Variants in CD99 observed in about 807,000 individuals in gnomAD.
CD99 encodes the protein CD99 antigen.
In CD99, 19 loss-of-function variants were observed where a neutral mutation model predicts 28.4. The observed-to-expected ratio is 0.67, with a 90% CI of 0.47 to 0.98. CD99 has a LOEUF of 0.98. Among genes scored for constraint, CD99 ranks in the 50% least tolerant of loss-of-function variants. CD99 has a pLI of 0.00. For synonymous variants in CD99, 103 were observed against 92.1 expected, an observed-to-expected ratio of 1.12 and a Z score of -0.67; for missense variants, 283 against 248.8, an observed-to-expected ratio of 1.14 and a Z score of -0.92.
intron 8 of CD99, among the ~76,000 whole-genome samples, chrX:2,735,494 CTT>C (rs899934233): frequency 2.0e-5 from 3 of 152,138 alleles, no homozygotes; most frequent in African/African-American, 7.2e-5. Context: ...CCTTGTGAGA[CTT>C]TATACTTTTC....
At chrX:2,712,280 T>G (rs1426768542) in intron 1 of CD99, among the ~76,000 whole-genome samples, 1 of 151,908 alleles carries the variant, frequency 6.6e-6, no homozygotes, top group African/African-American at 2.4e-5. Flanking sequence ...TTCCATCAGA[T>G]AGGAAGGGAT....
intron 8 of CD99, among the ~76,000 whole-genome samples, chrX:2,726,947 G>C (rs903872783): frequency 4.6e-5 from 7 of 152,050 alleles, no homozygotes; most frequent in Non-Finnish European, 7.4e-5. Flanking sequence ...ACCATCCTGG[G>C]TAACATGGTG....
intron 1 of CD99, among the ~76,000 whole-genome samples, chrX:2,697,686 A>G (rs2047640931): frequency 6.6e-6 from 1 of 152,116 alleles, no homozygotes; most frequent in Admixed American, 6.5e-5. Context: ...ACTTGGAGGC[A>G]TAGAGATTTT....
chrX:2,733,922 A>G (rs759538715), intron 8 of CD99, among the ~76,000 whole-genome samples: 37 of 152,372 alleles, frequency 2.4e-4, no homozygotes, highest in African/African-American at 7.0e-4. Context: ...TGTTCCAAAC[A>G]GGTACACACC....
chrX:2,719,544 A>G, intron 3 of CD99, 117 bp from the exon 4 acceptor site: 1 of 820,094 alleles, frequency 1.2e-6, no homozygotes, highest in Non-Finnish European at 2.1e-6. Flanking sequence ...TCAAGCTGAT[A>G]TTCAGAAAAG....
At chrX:2,691,481 TG>T (rs2047286610) in intron 1 of CD99, 54 bp downstream of exon 1, 1 of 1,534,412 alleles carries the variant, frequency 6.5e-7, no homozygotes. Context: ...GGGCCGGGAC[TG>T]GGGATCCGCT....
At chrX:2,699,875 G>A (rs749698262) in intron 1 of CD99, among the ~76,000 whole-genome samples, 2 of 152,282 alleles carry the variant, frequency 1.3e-5, no homozygotes, top group African/African-American at 2.4e-5. Flanking sequence ...TCCCATGACC[G>A]CCTCTCGGAT....
In CD99 at chrX:2,704,055, G is replaced by T. The variant is rs1603265012; in HGVS notation, c.68-10367G>T. 3.9e-5 allele frequency among the ~76,000 whole-genome samples: 6 copies of T among 152,250 alleles called. 1 individual carries two copies. In the South Asian group the frequency reaches 1.2e-3, roughly 32 times the overall value. ...ATGCAGGCTCATGAGCCTCACCCCA[G>T]ACCACAGAACGAAAATGTCTGGGGG... On this transcript the variant is annotated intron_variant, in intron 1 of 9. Coordinates refer to ENST00000381192, the MANE Select transcript of CD99 (RefSeq NM_002414.5).
chrX:2,717,347 C>CAAA (rs111805240), intron 2 of CD99: 11,354 of 344,370 alleles, frequency 0.033, 184 homozygotes, highest in East Asian at 0.1. Context: ...GACTTGGTCT[C>CAAA]AAAAAAAAAA....
chrX:2,691,384 G>A lies in CD99; in HGVS notation c.24G>A (p.Ala8=). 1.9e-6 allele frequency: 3 copies of A among 1,580,084 alleles called. No homozygotes were observed. Among genetic ancestry groups the A allele is most frequent in the South Asian group, 2.3e-5 (2 of 88,414 alleles). MARGAAL[A]LLLFGLLGVL... ...CCATGGCCCGCGGGGCTGCGCTGGC[G>A]CTGCTGCTCTTCGGCCTGCTGGGTG... The change falls in exon 1 of 10, where the codon GCG becomes GCA. Residue 8 remains alanine (A), a synonymous_variant. Transcript: ENST00000381192.
At chrX:2,723,464 C>A in intron 7 of CD99, 100 bp downstream of exon 7, 3 of 1,359,124 alleles carry the variant, frequency 2.2e-6, no homozygotes, top group Non-Finnish European at 2.1e-6. Flanking sequence ...GCATTGGCCT[C>A]CTAAAGCTAC....
At chrX:2,713,881 T>C (rs2048562738) in intron 1 of CD99, among the ~76,000 whole-genome samples, 1 of 152,218 alleles carries the variant, frequency 6.6e-6, no homozygotes, top group Non-Finnish European at 1.5e-5. Flanking sequence ...GAAGTAGCAT[T>C]GAAATTGTTG....
At chrX:2,726,439 A>G (rs779526236) in intron 8 of CD99, 66 bp downstream of exon 8, 2 of 1,075,138 alleles carry the variant, frequency 1.9e-6, no homozygotes, top group Admixed American at 1.7e-5. Context: ...GCTTTCTTTA[A>G]AAGGCAGAAA....
At chrX:2,707,931 G>T (rs1317799611) in intron 1 of CD99, among the ~76,000 whole-genome samples, 3 of 152,180 alleles carry the variant, frequency 2.0e-5, no homozygotes, top group Non-Finnish European at 4.4e-5. Context: ...GAAAGCTCAG[G>T]GAATGTGATG....
At chrX:2,729,948 T>C (rs1418122954) in intron 8 of CD99, among the ~76,000 whole-genome samples, 1 of 151,348 alleles carries the variant, frequency 6.6e-6, no homozygotes, top group Non-Finnish European at 1.5e-5. Context: ...AGCCCAGGAG[T>C]TCAAGATCAG....
intron 8 of CD99, among the ~76,000 whole-genome samples, chrX:2,728,138 C>G (rs1050019196): frequency 6.7e-6 from 1 of 150,172 alleles, no homozygotes; most frequent in South Asian, 2.1e-4. Flanking sequence ...TTGGGCAGTG[C>G]GTGGAAGACA....
chrX:2,692,996 G>A (rs2047402263), intron 1 of CD99, among the ~76,000 whole-genome samples: 1 of 152,206 alleles, frequency 6.6e-6, no homozygotes. Context: ...GTAAATCTTG[G>A]TGAGGGGCTT....
At chrX:2,710,017 T>A (rs1175009055) in intron 1 of CD99, among the ~76,000 whole-genome samples, 2 of 152,126 alleles carry the variant, frequency 1.3e-5, no homozygotes, top group African/African-American at 4.8e-5. Flanking sequence ...GAGGGAAGCA[T>A]CGAGATCATA....
intron 1 of CD99, among the ~76,000 whole-genome samples, chrX:2,706,203 C>CA (rs1264575314): frequency 6.6e-6 from 1 of 151,436 alleles, no homozygotes; most frequent in Non-Finnish European, 1.5e-5. Flanking sequence ...ACTAAAAATA[C>CA]AAAAAAATCA....
Sources: gnomAD v4.1 joint callset for allele counts (sites outside exome capture counted in the v4.1 genomes callset) on GRCh38, gnomAD v4.1.1 for gene constraint, MANE v1.5 for transcripts, NCBI Gene and HGNC (gene_info 2026-07-23, HGNC 2026-07-21) for gene names.